TBC1D8B: variants seen among roughly 807,000 people sequenced by gnomAD.
TBC1D8B encodes the protein RP11-321G1.1.
A neutral mutation model predicts 82.9 loss-of-function variants in TBC1D8B; 75 were observed. That is an observed-to-expected ratio of 0.90 (90% CI 0.75 to 1.10). The LOEUF (loss-of-function observed/expected upper bound fraction) is 1.10. TBC1D8B is among the 50% of genes least tolerant of loss of function. TBC1D8B has a pLI of 0.00. For synonymous variants in TBC1D8B, 276 were observed against 276.8 expected (o/e 1.00, Z 0.03); for missense variants, 794 against 796.9 (o/e 1.00, Z 0.04).
Position 106,853,617 on chromosome X carries a change from G to A in TBC1D8B, c.2220G>A (p.Val740=), listed in dbSNP as rs1403118325. Residue 740 remains valine, a synonymous_variant, in exon 13 of 21, where the codon GTG becomes GTA. Transcript: ENST00000357242. The stretch of plus-strand genomic sequence containing the variant: ...ATGAAAAAACCAGTCATACTAGAGT[G>A]GATATTACAGATTTGATTAGAGAAT... The part of the protein sequence containing the change: ...VSDEKTSHTR[V]DITDLIRESN... 1.2e-5 allele frequency: 15 copies of A among 1,206,566 alleles called. No homozygotes were observed. The highest frequency in any genetic ancestry group is 1.8e-5 in the South Asian group (1 of 56,546).
intron 12 of TBC1D8B, among the ~76,000 whole-genome samples, chrX:106,852,939 A>C (rs1363040116): frequency 9.1e-6 from 1 of 110,096 alleles, no homozygotes; most frequent in South Asian, 3.9e-4. Flanking sequence ...ACTTTAAAGT[A>C]GTTTTTTCCA....
At chrX:106,844,845 A>G in intron 10 of TBC1D8B, among the ~76,000 whole-genome samples, 1 of 110,885 alleles carries the variant, frequency 9.0e-6, no homozygotes, top group Non-Finnish European at 1.9e-5. Flanking sequence ...TTTGCCAGTG[A>G]AGCCATCTGC....
intron 12 of TBC1D8B, among the ~76,000 whole-genome samples, chrX:106,853,311 G>A (rs1048225579): frequency 3.6e-5 from 4 of 111,242 alleles, no homozygotes; most frequent in African/African-American, 6.5e-5. Context: ...TTATCAGCTT[G>A]AGGAGATTTT....
intron 10 of TBC1D8B, among the ~76,000 whole-genome samples, chrX:106,843,794 G>T (rs752890336): frequency 1.1e-4 from 12 of 109,911 alleles, no homozygotes; most frequent in Non-Finnish European, 1.5e-4. Flanking sequence ...GATCAATTTC[G>T]GGAGTATTTC....
chrX:106,836,071 C>G (rs1932168622), intron 7 of TBC1D8B, among the ~76,000 whole-genome samples: 1 of 111,816 alleles, frequency 8.9e-6, no homozygotes, highest in Non-Finnish European at 1.9e-5. Flanking sequence ...TTAGTCCTTT[C>G]TTACACTGGT....
At position 106,821,006 on chromosome X, in the gene TBC1D8B, C is replaced by A; in HGVS notation, c.360+11C>A. On this transcript the variant is annotated intron_variant, in intron 3 of 20. Coordinates refer to ENST00000357242, the MANE Select transcript of TBC1D8B (RefSeq NM_017752.3). ...CAAGGAAAAATAAGAGTAAGTGGCA[C>A]GGATATATCTTGTAGATGGAGTGCC... 9.6e-7 allele frequency: 1 copy of A among 1,036,292 alleles called. No homozygotes were observed. Among genetic ancestry groups the A allele is most frequent in the Non-Finnish European group, 1.3e-6 (1 of 758,611 alleles). 85.4% of individuals were successfully genotyped at this position (1,036,292 alleles called of 1,213,427 possible).
chrX:106,862,766 G>GTTTTTTTTTTTTTTTTTTTTTTTTTTT (rs199693098), intron 14 of TBC1D8B, among the ~76,000 whole-genome samples: 3 of 35,803 alleles, frequency 8.4e-5, no homozygotes, highest in Non-Finnish European at 1.7e-4. Flanking sequence ...CTTTGGATGG[G>GTTTTTTTTTTTTTTTTTTTTTTTTTTT]TTTTTTTTTG....
intron 1 of TBC1D8B, among the ~76,000 whole-genome samples, chrX:106,807,121 C>T (rs978601505): frequency 1.8e-5 from 2 of 110,868 alleles, no homozygotes; most frequent in Non-Finnish European, 3.8e-5. Flanking sequence ...AAATTTTGGC[C>T]TTCTAAGTAC....
chrX:106,850,092 C>T lies in TBC1D8B; in HGVS notation c.1905C>T (p.His635=), dbSNP rs148391915. 8.3e-7 allele frequency: 1 copy of T among 1,211,250 alleles called. No individual in the cohort carries two copies. Among genetic ancestry groups the T allele is most frequent in the Admixed American group, 2.2e-5 (1 of 46,027 alleles). Residue 635 remains histidine (H), a synonymous_variant, in exon 12 of 21, where the codon CAC becomes CAT. Coordinates refer to ENST00000357242, the MANE Select transcript of TBC1D8B (RefSeq NM_017752.3). Reference sequence around the variant, plus strand: ...ATCACCTTCCTCAGCTGACAGAACACATGACTGATATGACATTCTTTTCCT... The same window carrying T: ...ATCACCTTCCTCAGCTGACAGAACATATGACTGATATGACATTCTTTTCCT... The part of the protein sequence containing the change: ...IRDHLPQLTE[H]MTDMTFFSSV...
chrX:106,833,458 T>G (rs902293445), intron 7 of TBC1D8B, among the ~76,000 whole-genome samples: 8 of 111,938 alleles, frequency 7.1e-5, no homozygotes, highest in African/African-American at 2.6e-4. Flanking sequence ...GGTAAAAGTT[T>G]CCATTCAAAA....
At position 106,809,425 on chromosome X, in the gene TBC1D8B, T is replaced by G. The variant is rs1931291464; in HGVS notation, c.130+6442T>G. On this transcript the variant is annotated intron_variant, in intron 1 of 20. Coordinates refer to ENST00000357242, the MANE Select transcript of TBC1D8B (RefSeq NM_017752.3). The stretch of plus-strand genomic sequence containing the variant: ...TGGGAAGGCCTCTTAGGATGAGCTG[T>G]GGACAGAGACTTGTGGTACTAGAAT... Among the ~76,000 whole-genome samples, 2 of 111,640 alleles carry G rather than the reference T, an allele frequency of 1.8e-5. 1 individual carries two copies. The highest frequency in any genetic ancestry group is 3.8e-5 in the Non-Finnish European group (2 of 53,133).
At chrX:106,852,335 G>A (rs375510594) in intron 12 of TBC1D8B, among the ~76,000 whole-genome samples, 2 of 98,946 alleles carry the variant, frequency 2.0e-5, no homozygotes, top group African/African-American at 3.7e-5. Context: ...AGATGAGTAG[G>A]TTGCAAAAAT....
rs1335347902 is a variant in TBC1D8B at position 106,811,093 on chromosome X, TTA to T, written c.131-7568_131-7567del. Among the ~76,000 whole-genome samples the T allele has an allele frequency of 5.3e-5, 6 of 112,478 alleles. No individual in the cohort carries two copies. In the South Asian group the frequency reaches 1.1e-3, roughly 21 times the overall value. On this transcript the variant is annotated intron_variant, in intron 1 of 20. Transcript: ENST00000357242. ...AAATCTCCTATAAGGCTGCCCTTTC[TTA>T]TGCAAAGAGATCTTTAAAGGTAATT...
At chrX:106,870,176 G>A (rs778259944) in intron 19 of TBC1D8B, among the ~76,000 whole-genome samples, 15 of 110,732 alleles carry the variant, frequency 1.4e-4, no homozygotes, top group Non-Finnish European at 1.9e-4. Flanking sequence ...GACTACAGGC[G>A]CCCACCACCA....
At chrX:106,855,320 T>C (rs191945098) in intron 14 of TBC1D8B, among the ~76,000 whole-genome samples, 60 of 112,633 alleles carry the variant, frequency 5.3e-4, no homozygotes, top group African/African-American at 1.8e-3. Flanking sequence ...AAGTAATACA[T>C]GCTCACTGTA....
chrX:106,818,817 C>G (rs907297688), intron 2 of TBC1D8B, 44 bp downstream of exon 2: 1 of 1,002,846 alleles, frequency 1.0e-6, no homozygotes, highest in Non-Finnish European at 1.4e-6. Flanking sequence ...AATAAGGGTA[C>G]TACAAAGCTG....
intron 1 of TBC1D8B, among the ~76,000 whole-genome samples, chrX:106,808,317 T>C (rs1421151988): frequency 4.5e-5 from 5 of 111,672 alleles, no homozygotes; most frequent in African/African-American, 6.5e-5. Context: ...AAATGAGTTT[T>C]GAAACTTGTG....
intron 14 of TBC1D8B, among the ~76,000 whole-genome samples, chrX:106,864,181 G>A (rs1932797655): frequency 9.0e-6 from 1 of 111,546 alleles, no homozygotes; most frequent in Admixed American, 9.5e-5. Flanking sequence ...TAGAGGTGAG[G>A]TGGGAGGATG....
intron 1 of TBC1D8B, chrX:106,814,373 A>G (rs1245588796): frequency 9.5e-6 from 1 of 105,021 alleles, no homozygotes; most frequent in African/African-American, 3.5e-5. Flanking sequence ...AAGGACATGA[A>G]CTCATCATTT....
Sources: allele counts gnomAD v4.1 joint callset (sites outside exome capture counted in the v4.1 genomes callset), GRCh38; gene constraint gnomAD v4.1.1; transcripts MANE v1.5; gene names NCBI Gene and HGNC (gene_info 2026-07-23, HGNC 2026-07-21).